Variants in CNTNAP2 observed in about 807,000 individuals in gnomAD.
CNTNAP2 encodes the protein contactin associated protein 2.
CNTNAP2 carries 98 observed loss-of-function variants against 155.2 expected under a neutral mutation model. That is an observed-to-expected ratio of 0.63 (90% CI 0.54 to 0.75). CNTNAP2 has a LOEUF of 0.75. CNTNAP2 is among the 30% of genes least tolerant of loss of function. The pLI, the probability that CNTNAP2 is intolerant of heterozygous loss-of-function variation, is 0.00. For synonymous variants in CNTNAP2, 651 were observed against 631.2 expected, an observed-to-expected ratio of 1.03 and a Z score of -0.47; for missense variants, 1,727 against 1,688.1, an observed-to-expected ratio of 1.02 and a Z score of -0.40.
chr7:146,832,189 G>A (rs1036712472), intron 2 of CNTNAP2, among the ~76,000 whole-genome samples: 1 of 152,066 alleles, frequency 6.6e-6, no homozygotes, highest in African/African-American at 2.4e-5. Context: ...TTATTAAGAT[G>A]CCTGTTACTG....
intron 4 of CNTNAP2, among the ~76,000 whole-genome samples, chr7:147,069,389 C>A (rs1799846333): frequency 6.6e-6 from 1 of 152,202 alleles, no homozygotes; most frequent in Non-Finnish European, 1.5e-5. Flanking sequence ...ATCATATTCA[C>A]AGATTCTGTT....
At chr7:148,240,146 G>A (rs574615889) in intron 20 of CNTNAP2, among the ~76,000 whole-genome samples, 1 of 152,310 alleles carries the variant, frequency 6.6e-6, no homozygotes, top group African/African-American at 2.4e-5. Flanking sequence ...AAATAACTTT[G>A]AGGAGAACAA....
At chr7:146,444,765 C>T (rs537126400) in intron 1 of CNTNAP2, among the ~76,000 whole-genome samples, 1 of 151,374 alleles carries the variant, frequency 6.6e-6, no homozygotes, top group Non-Finnish European at 1.5e-5. Context: ...TCAAGCGATT[C>T]TCCTCCCTCA....
chr7:146,324,902 G>T (rs531370987), intron 1 of CNTNAP2, among the ~76,000 whole-genome samples: 1 of 152,138 alleles, frequency 6.6e-6, no homozygotes, highest in South Asian at 2.1e-4. Context: ...AAAAATCATG[G>T]ATCATTACTT....
chr7:146,827,890 C>T (rs918729837), intron 2 of CNTNAP2, among the ~76,000 whole-genome samples: 3 of 151,984 alleles, frequency 2.0e-5, no homozygotes, highest in Admixed American at 6.6e-5. Flanking sequence ...GTTGCAAAGA[C>T]GAACATGACT....
chr7:147,472,182 C>CGTTG (rs1264449815), intron 10 of CNTNAP2, among the ~76,000 whole-genome samples: 2 of 146,402 alleles, frequency 1.4e-5, no homozygotes, highest in African/African-American at 2.6e-5. Context: ...AAGGAGAATC[C>CGTTG]ATTGAAGTTT....
chr7:148,038,861 TGG>T (rs1802618950), intron 15 of CNTNAP2, among the ~76,000 whole-genome samples: 3 of 151,844 alleles, frequency 2.0e-5, no homozygotes, highest in African/African-American at 7.3e-5. Context: ...GATGGATGGA[TGG>T]ATGGATGGAT....
chr7:146,917,116 C>T (rs1467602212), intron 3 of CNTNAP2, among the ~76,000 whole-genome samples: 1 of 152,066 alleles, frequency 6.6e-6, no homozygotes, highest in Non-Finnish European at 1.5e-5. Flanking sequence ...TTTCCAGGTA[C>T]TTGCATGGTT....
At chr7:146,495,031 T>C (rs1003761464) in intron 1 of CNTNAP2, among the ~76,000 whole-genome samples, 1 of 152,166 alleles carries the variant, frequency 6.6e-6, no homozygotes, top group African/African-American at 2.4e-5. Context: ...GCAGAAGCCA[T>C]GGAGTTTTAT....
At chr7:147,333,202 T>C (rs1795603813) in intron 9 of CNTNAP2, among the ~76,000 whole-genome samples, 1 of 152,090 alleles carries the variant, frequency 6.6e-6, no homozygotes, top group Non-Finnish European at 1.5e-5. Context: ...CCACATAAAG[T>C]TCCTGTTCCA....
chr7:146,642,363 G>A (rs992025330), intron 1 of CNTNAP2, among the ~76,000 whole-genome samples: 1 of 134,800 alleles, frequency 7.4e-6, no homozygotes, highest in African/African-American at 2.8e-5. Context: ...CTGTGTCCAT[G>A]TGTTCTCATT....
chr7:148,047,978 C>T (rs1261105799), intron 15 of CNTNAP2, among the ~76,000 whole-genome samples: 1 of 151,870 alleles, frequency 6.6e-6, no homozygotes, highest in Non-Finnish European at 1.5e-5. Context: ...GTCTGGAGTG[C>T]AGTGGCACCA....
intron 13 of CNTNAP2, among the ~76,000 whole-genome samples, chr7:147,741,052 T>C (rs1035834814): frequency 6.6e-6 from 1 of 152,212 alleles, no homozygotes; most frequent in Non-Finnish European, 1.5e-5. Flanking sequence ...TTCTGGCTCC[T>C]GGAGGCTCTG....
chr7:146,863,831 T>C (rs1795151118), intron 3 of CNTNAP2, among the ~76,000 whole-genome samples: 1 of 152,090 alleles, frequency 6.6e-6, no homozygotes, highest in African/African-American at 2.4e-5. Flanking sequence ...TTAGTTGCTA[T>C]TATATAATGA....
At position 146,810,355 on chromosome 7, in the gene CNTNAP2, C is replaced by T. The variant is rs79853093; in HGVS notation, c.209-29356C>T. On this transcript the variant is annotated intron_variant, in intron 2 of 23. Transcript: ENST00000361727. ...TATTTTCATTTATTTGGGGCTTCTTCAATATTTAATCTGTACCTTATAGTT... is the reference window on the plus strand; with the variant it reads ...TATTTTCATTTATTTGGGGCTTCTTTAATATTTAATCTGTACCTTATAGTT... Among the ~76,000 whole-genome samples, 328 of 136,372 alleles carry T rather than the reference C, an allele frequency of 2.4e-3. 4 individuals are homozygous for T. The highest frequency in any genetic ancestry group is 8.4e-3 in the African/African-American group (312 of 37,336). The allele number at this position is 136,372 out of a possible 152,430, so 89.5% of individuals were successfully genotyped here. A position where few individuals can be genotyped will look rare whatever the true frequency, so the allele number is the denominator to read the frequency against.
chr7:147,954,697 ACT>A (rs1308296617), intron 14 of CNTNAP2, among the ~76,000 whole-genome samples: 1 of 152,092 alleles, frequency 6.6e-6, no homozygotes, highest in Admixed American at 6.6e-5. Context: ...ATTTTAATTA[ACT>A]CTCTTAGAAA....
intron 13 of CNTNAP2, among the ~76,000 whole-genome samples, chr7:147,662,643 A>G (rs935119911): frequency 6.6e-6 from 1 of 152,190 alleles, no homozygotes; most frequent in Non-Finnish European, 1.5e-5. Flanking sequence ...ATTTGGTTGT[A>G]GGAATTATTC....
At chr7:148,034,645 G>C (rs1246607027) in intron 15 of CNTNAP2, among the ~76,000 whole-genome samples, 5 of 152,156 alleles carry the variant, frequency 3.3e-5, no homozygotes, top group South Asian at 4.1e-4. Flanking sequence ...GTACCAGAGA[G>C]AGCAGTGTTG....
At position 148,229,386 on chromosome 7, in the gene CNTNAP2, G is replaced by A. The variant is rs141893093; in HGVS notation, c.3248-260G>A. Among the ~76,000 whole-genome samples, 70 of 152,240 alleles carry A rather than the reference G, an allele frequency of 4.6e-4. 1 individual carries two copies. The East Asian group carries it at 0.012, about 26-fold the overall frequency. ...CTGAAAATACAAAAATTAGCCAGGCGTGGTGGCAGGTGCCTGTAATGCCAG... is the reference window on the plus strand; with the variant it reads ...CTGAAAATACAAAAATTAGCCAGGCATGGTGGCAGGTGCCTGTAATGCCAG... On this transcript the variant is annotated intron_variant, in intron 19 of 23. Transcript: ENST00000361727.
Sources: gnomAD v4.1 joint callset for allele counts (sites outside exome capture counted in the v4.1 genomes callset) on GRCh38, gnomAD v4.1.1 for gene constraint, MANE v1.5 for transcripts, NCBI Gene and HGNC (gene_info 2026-07-23, HGNC 2026-07-21) for gene names.